ZNF469: variants seen among roughly 807,000 people sequenced by gnomAD.
ZNF469 encodes the protein zinc finger protein 469.
In ZNF469, 1 loss-of-function variant was observed where a neutral mutation model predicts 1.0. The observed-to-expected ratio is 1.00, with a 90% CI of 0.35 to 4.73. The LOEUF is 4.73. Ranked by LOEUF, ZNF469 falls within the 30% of genes most tolerant of loss-of-function variation. The pLI is 0.16. For synonymous variants in ZNF469, 2,703 were observed against 2,363.4 expected, an observed-to-expected ratio of 1.14 and a Z score of -4.17; for missense variants, 6,100 against 5,356.3, an observed-to-expected ratio of 1.14 and a Z score of -4.33.
chr16:88,249,961 G>A, the ZNF469 span, among the ~76,000 whole-genome samples: 6 of 152,140 alleles, frequency 3.9e-5, no homozygotes, highest in Non-Finnish European at 7.3e-5. Flanking sequence ...GTTCCTTCTC[G>A]ACCTCCAGGA....
At chr16:88,239,401 A>T in the ZNF469 span, among the ~76,000 whole-genome samples, 9 of 151,792 alleles carry the variant, frequency 5.9e-5, no homozygotes, top group Non-Finnish European at 1.3e-4. Context: ...GAACTACAGG[A>T]TTCTTTCATC....
the ZNF469 span, among the ~76,000 whole-genome samples, chr16:88,266,236 C>T: frequency 5.9e-5 from 9 of 152,364 alleles, no homozygotes; most frequent in South Asian, 1.7e-3. Flanking sequence ...GCCGGGTTCA[C>T]GCTGCAGGGA....
At chr16:88,320,748 A>G in the ZNF469 span, among the ~76,000 whole-genome samples, 17,234 of 152,214 alleles carry the variant, frequency 0.11, 1,055 homozygotes, top group South Asian at 0.21. Flanking sequence ...GAGACCCGCA[A>G]CAGCCTCCTG....
chr16:88,162,162 C>T, the ZNF469 span, among the ~76,000 whole-genome samples: 13 of 152,030 alleles, frequency 8.6e-5, no homozygotes. Flanking sequence ...TGAGAAAATC[C>T]TCCATTTAGC....
At chr16:88,303,174 T>G in the ZNF469 span, among the ~76,000 whole-genome samples, 2 of 152,212 alleles carry the variant, frequency 1.3e-5, no homozygotes, top group Admixed American at 1.3e-4. Context: ...GAGGATTTGG[T>G]GTTTGCAGCC....
chr16:88,148,273 T>C, the ZNF469 span, among the ~76,000 whole-genome samples: 1 of 152,114 alleles, frequency 6.6e-6, no homozygotes, highest in Non-Finnish European at 1.5e-5. Flanking sequence ...GGGGCCTCGT[T>C]CCCAGCTCCA....
At chr16:88,149,120 C>A in the ZNF469 span, among the ~76,000 whole-genome samples, 1 of 147,530 alleles carries the variant, frequency 6.8e-6, no homozygotes, top group South Asian at 2.2e-4. Flanking sequence ...GAGTCAGAAG[C>A]TGAGCTCACA....
At chr16:88,391,859 A>G (rs1477054887) in intron 1 of ZNF469, among the ~76,000 whole-genome samples, 1 of 152,234 alleles carries the variant, frequency 6.6e-6, no homozygotes, top group Non-Finnish European at 1.5e-5. Context: ...TGTGGGTCAG[A>G]GCTCACCAAT....
chr16:88,294,246 AGTGT>A, the ZNF469 span, among the ~76,000 whole-genome samples: 1 of 152,222 alleles, frequency 6.6e-6, no homozygotes, highest in East Asian at 1.9e-4. Context: ...GTGCAGAACC[AGTGT>A]GCCGCCATGC....
At chr16:88,203,747 T>C in the ZNF469 span, among the ~76,000 whole-genome samples, 1 of 152,020 alleles carries the variant, frequency 6.6e-6, no homozygotes, top group Non-Finnish European at 1.5e-5. Context: ...TGTGTGTGTG[T>C]GTATCTCTGT....
chr16:88,344,022 C>G, the ZNF469 span, among the ~76,000 whole-genome samples: 1 of 152,080 alleles, frequency 6.6e-6, no homozygotes, highest in Non-Finnish European at 1.5e-5. Context: ...GGGCACTTCA[C>G]CCCTGGGGTC....
the ZNF469 span, among the ~76,000 whole-genome samples, chr16:88,205,963 G>A: frequency 2.6e-5 from 4 of 152,138 alleles, no homozygotes; most frequent in South Asian, 4.2e-4. This position sits in a 1 kb window ranked among gnomAD's most constrained non-coding sequence, Gnocchi z 4.2. Flanking sequence ...GGAAGGGGGG[G>A]GCCCAGCCCA....
At chr16:88,245,972 G>T in the ZNF469 span, among the ~76,000 whole-genome samples, 4 of 152,402 alleles carry the variant, frequency 2.6e-5, no homozygotes, top group East Asian at 7.7e-4. Context: ...GGTTGCTTTG[G>T]CTCATCCAAC....
intron 1 of ZNF469, among the ~76,000 whole-genome samples, chr16:88,403,250 C>G (rs1362316780): frequency 6.6e-6 from 1 of 152,252 alleles, no homozygotes; most frequent in Non-Finnish European, 1.5e-5. Context: ...AGAACAGTCC[C>G]TGCTGTCTCA....
Position 88,438,923 on chromosome 16 carries a change from A to G in ZNF469, c.11453A>G (p.Lys3818Arg), listed in dbSNP as rs1486023314. The G allele has an allele frequency of 6.4e-7, 1 of 1,550,552 alleles. No individual in the cohort carries two copies. Among genetic ancestry groups the G allele is most frequent in the East Asian group, 2.4e-5 (1 of 40,920 alleles). ...KEKGESSTKR[K>R]KGQVPGPARS... ...AAGGGAGAGAGCAGTACGAAGAGGA[A>G]AAAGGGCCAGGTCCCAGGGCCAGCC... Residue 3818 changes from lysine (K) to arginine (R), a missense_variant, in exon 3 of 3, where the codon AAA becomes AGA. By Grantham distance (26) the Lys-to-Arg change is conservative (BLOSUM62 2). Coordinates refer to ENST00000565624, the MANE Select transcript of ZNF469 (RefSeq NM_001367624.2).
the ZNF469 span, among the ~76,000 whole-genome samples, chr16:88,332,639 A>G: frequency 6.6e-6 from 1 of 152,230 alleles, no homozygotes; most frequent in African/African-American, 2.4e-5. Flanking sequence ...GGGAGAGGGA[A>G]GGCACCATGA....
Position 88,428,639 on chromosome 16 carries a change from G to A in ZNF469, c.1169G>A (p.Gly390Glu). The A allele has an allele frequency of 6.5e-7, 1 of 1,550,176 alleles. No individual in the cohort carries two copies. Among genetic ancestry groups the A allele is most frequent in the Non-Finnish European group, 8.7e-7 (1 of 1,146,870 alleles). Residue 390 changes from glycine to glutamate, a missense_variant, in exon 3 of 3, where the codon GGG (glycine) becomes GAG (glutamate). By Grantham distance (98) the Gly-to-Glu change is moderately conservative. Coordinates refer to ENST00000565624, the MANE Select transcript of ZNF469 (RefSeq NM_001367624.2). Reference sequence around the variant, plus strand: ...GAAAGACCACCTTCAGCCCAGGATGGGCTGGGGAGCACGAGAGGGCCCCCT... The same window carrying A: ...GAAAGACCACCTTCAGCCCAGGATGAGCTGGGGAGCACGAGAGGGCCCCCT... ...LPERPPSAQD[G>E]LGSTRGPPSS...
At chr16:88,361,850 T>C in the ZNF469 span, among the ~76,000 whole-genome samples, 83,777 of 152,106 alleles carry the variant, frequency 0.55, 25,034 homozygotes, top group African/African-American at 0.78. Flanking sequence ...TTTAGGTCTG[T>C]GGTTCATCGT....
chr16:88,262,164 T>C, the ZNF469 span, among the ~76,000 whole-genome samples: 38 of 152,164 alleles, frequency 2.5e-4, no homozygotes, highest in African/African-American at 9.2e-4. This position sits in a 1 kb window ranked among gnomAD's most constrained non-coding sequence, Gnocchi z 4.3. Flanking sequence ...AGTGAAGGAA[T>C]TGCATTCTTG....
Sources: gnomAD v4.1 joint callset for allele counts (sites outside exome capture counted in the v4.1 genomes callset) on GRCh38, gnomAD v4.1.1 for gene constraint, Gnocchi (gnomAD v3.1) non-coding constraint, MANE v1.5 for transcripts, NCBI Gene and HGNC (gene_info 2026-07-23, HGNC 2026-07-21) for gene names.